CHFR: variants seen among roughly 807,000 people sequenced by gnomAD.
CHFR encodes E3 ubiquitin-protein ligase CHFR.
In CHFR, 57 loss-of-function variants were observed where a neutral mutation model predicts 87.6. The ratio of observed to expected loss-of-function variants is 0.65; its 90% CI spans 0.53 to 0.81. CHFR has a LOEUF of 0.81. CHFR is among the 30% of genes least tolerant of loss of function. CHFR has a pLI of 0.00. For synonymous variants in CHFR, 381 were observed against 359.2 expected (o/e 1.06, Z -0.69); for missense variants, 797 against 865.8 (o/e 0.92, Z 1.00).
At chr12:132,849,380 G>A (rs977812658) in intron 12 of CHFR, 1 of 150,508 alleles carries the variant, frequency 6.6e-6, no homozygotes, top group East Asian at 2.0e-4. Context: ...GACCCGTATC[G>A]TTTCTTAAAC....
At chr12:132,851,775 C>T in intron 11 of CHFR, 38 bp from the exon 12 acceptor site, 1 of 1,587,108 alleles carries the variant, frequency 6.3e-7, no homozygotes, top group South Asian at 1.1e-5. Flanking sequence ...CACGTGGGAC[C>T]CAGGGCAGAA....
chr12:132,872,211 G>A lies in CHFR; in HGVS notation c.343+74C>T, dbSNP rs538059968. 6 of 885,424 alleles carry A rather than the reference G, an allele frequency of 6.8e-6. No individual in the cohort carries two copies. In the Admixed American group the frequency reaches 7.2e-5, roughly 11 times the overall value. The allele number at this position is 885,424 out of a possible 1,614,324, so 54.8% of individuals were successfully genotyped here. A position where few individuals can be genotyped will look rare whatever the true frequency, so the allele number is the denominator to read the frequency against. On this transcript the variant is annotated intron_variant, in intron 4 of 17. Coordinates refer to ENST00000450056, the MANE Select transcript of CHFR (RefSeq NM_001161346.2). ...TTCCTATGGGAAGGGATGTAGCCAG[G>A]AGGAACGTTCAGAGAGCGCCCTCAC...
chr12:132,856,735 G>T, intron 9 of CHFR, 105 bp from the exon 10 acceptor site: 2 of 1,316,350 alleles, frequency 1.5e-6, no homozygotes, highest in Non-Finnish European at 2.2e-6. Context: ...GGAAGGAGGG[G>T]TCTGGGCGGA....
rs745763828 is a variant in CHFR at position 132,861,470 on chromosome 12, C to T, written c.748G>A (p.Gly250Arg). ...ACACACACAACCAGACACTAACCTC[C>T]TCTCATTTTCTTCTTCACGGGCTCC... ...DLEPVKKKMR[G>R]DGDLDLNGQL... The change falls in exon 7 of 18, where the codon GGA (glycine) becomes AGA (arginine). Residue 250 changes from glycine (G) to arginine (R), a missense_variant. Around this residue, in one of 2 missense-constraint regions of CHFR, gnomAD observed 597 missense variants for 601.2 expected, o/e 0.99. Coordinates refer to ENST00000450056, the MANE Select transcript of CHFR (RefSeq NM_001161346.2). 1 of 1,613,998 alleles carries T rather than the reference C, an allele frequency of 6.2e-7. No homozygotes were observed. Among genetic ancestry groups the T allele is most frequent in the Admixed American group, 1.7e-5 (1 of 60,004 alleles).
In CHFR at chr12:132,839,801, C is replaced by G. The variant is rs1937327190; in HGVS notation, c.*1753G>C. 1 of 170,484 alleles carries G rather than the reference C, an allele frequency of 5.9e-6. No homozygotes were observed. Among genetic ancestry groups the G allele is most frequent in the African/African-American group, 2.5e-5 (1 of 39,368 alleles). 10.6% of individuals were successfully genotyped at this position (170,484 alleles called of 1,614,324 possible). ...CTTCTCGGCCTCACCCCTGCACTAA[C>G]TAGGGACCTCCCCTCTCAGCCTCGC... On this transcript the variant is annotated 3_prime_UTR_variant, in exon 18 of 18. Transcript: ENST00000450056.
chr12:132,880,088 A>C (rs1426599839), intron 2 of CHFR, among the ~76,000 whole-genome samples: 1 of 152,210 alleles, frequency 6.6e-6, no homozygotes, highest in Non-Finnish European at 1.5e-5. Flanking sequence ...CACAGAAAAA[A>C]CGTGTAGAAA....
intron 15 of CHFR, among the ~76,000 whole-genome samples, chr12:132,846,430 T>A (rs1950827900): frequency 6.6e-6 from 1 of 151,856 alleles, no homozygotes; most frequent in African/African-American, 2.4e-5. Context: ...GCCCGGCTAA[T>A]TTTTTGTATT....
chr12:132,846,099 C>T (rs994228951), intron 15 of CHFR, among the ~76,000 whole-genome samples: 6 of 152,046 alleles, frequency 3.9e-5, no homozygotes, highest in African/African-American at 9.7e-5. Context: ...TTCATTTCTA[C>T]GTTTGTCCCT....
intron 2 of CHFR, among the ~76,000 whole-genome samples, chr12:132,881,584 C>T (rs928186691): frequency 6.6e-6 from 1 of 151,900 alleles, no homozygotes; most frequent in Non-Finnish European, 1.5e-5. Flanking sequence ...ATACTGACCA[C>T]GGGCCGGGCA....
Position 132,851,709 on chromosome 12 carries a change from T to C in CHFR, c.1401A>G (p.Gln467=). 1 of 1,613,416 alleles carries C rather than the reference T, an allele frequency of 6.2e-7. No homozygotes were observed. Among genetic ancestry groups the C allele is most frequent in the African/African-American group, 1.3e-5 (1 of 75,032 alleles). Reference sequence around the variant, plus strand: ...AGCAGGTGCACAGGGCGTGGCTTCCTTGCAGAGGGCACACGTAATCCTGGA... The same window carrying C: ...AGCAGGTGCACAGGGCGTGGCTTCCCTGCAGAGGGCACACGTAATCCTGGA... ...TAVQDYVCPL[Q]GSHALCTCCF... is the part of the protein sequence containing the mutation. The change falls in exon 12 of 18, where the codon CAA becomes CAG. Residue 467 remains glutamine, a synonymous_variant. Coordinates refer to ENST00000450056, the MANE Select transcript of CHFR (RefSeq NM_001161346.2).
At chr12:132,848,546 A>C (rs1200910289) in intron 13 of CHFR, 95 bp downstream of exon 13, 1 of 934,400 alleles carries the variant, frequency 1.1e-6, no homozygotes, top group Non-Finnish European at 1.7e-6. Flanking sequence ...ATCCCTATAA[A>C]CATCAGGCTA....
At chr12:132,856,710 C>T (rs777842243) in intron 9 of CHFR, 80 bp from the exon 10 acceptor site, 36 of 1,477,242 alleles carry the variant, frequency 2.4e-5, no homozygotes, top group Non-Finnish European at 3.1e-5. Flanking sequence ...TGGGAGCTCG[C>T]GTGCGCAGTG....
At chr12:132,862,520 C>T (rs1428067151) in intron 6 of CHFR, 2 of 402,006 alleles carry the variant, frequency 5.0e-6, no homozygotes, top group Non-Finnish European at 9.8e-6. Context: ...GAGTGGATCA[C>T]TTGAGCCCGG....
intron 16 of CHFR, 122 bp downstream of exon 16, chr12:132,843,905 C>T (rs1447353789): frequency 1.5e-5 from 9 of 591,632 alleles, no homozygotes; most frequent in African/African-American, 1.1e-4. Flanking sequence ...GCCGAGATTG[C>T]ACCACTGCAC....
intron 14 of CHFR, 130 bp downstream of exon 14, chr12:132,847,955 T>C (rs1950862484): frequency 5.9e-6 from 9 of 1,522,426 alleles, no homozygotes; most frequent in Non-Finnish European, 7.9e-6. Context: ...TGAGGAAACA[T>C]GGCTCCCGGC....
rs770961851 is a variant in CHFR, at chr12:132,841,545, T to A, written c.*9A>T. Reference sequence around the variant, plus strand: ...CCAGTGCTGAAAGCTGCTCAGGGCCTCTGGATGCTTAGTTTTTGAACCTTG... The same window carrying A: ...CCAGTGCTGAAAGCTGCTCAGGGCCACTGGATGCTTAGTTTTTGAACCTTG... On this transcript the variant is annotated 3_prime_UTR_variant, in exon 18 of 18. Coordinates refer to ENST00000450056, the MANE Select transcript of CHFR (RefSeq NM_001161346.2). The A allele has an allele frequency of 6.2e-7, 1 of 1,612,434 alleles. No homozygotes were observed. The highest frequency in any genetic ancestry group is 1.1e-5 in the South Asian group (1 of 91,050).
At chr12:132,851,789 C>G (rs1333609270) in intron 11 of CHFR, 52 bp from the exon 12 acceptor site, 9 of 1,575,756 alleles carry the variant, frequency 5.7e-6, no homozygotes, top group Non-Finnish European at 7.8e-6. Context: ...GGCAGAAAGA[C>G]AGCAGGTTAG....
chr12:132,835,196 G>A lies in CHFR; in HGVS notation c.*6358C>T, dbSNP rs1048081360. ...ATACGGGTATCTGTGGTGGCGGGAC[G>A]GGGACATGGCTCAGCCCACCACGGA... On this transcript the variant is annotated 3_prime_UTR_variant, in exon 18 of 18. Transcript: ENST00000450056. 1.3e-5 allele frequency: 2 copies of A among 152,170 alleles called. No homozygotes were observed. The highest frequency in any genetic ancestry group is 2.4e-5 in the African/African-American group (1 of 41,436). The allele number at this position is 152,170 out of a possible 1,614,324, so 9.4% of individuals were successfully genotyped here. A position where few individuals can be genotyped will look rare whatever the true frequency, so the allele number is the denominator to read the frequency against.
intron 6 of CHFR, 52 bp downstream of exon 6, chr12:132,869,567 G>A (rs1391118213): frequency 6.6e-7 from 1 of 1,507,666 alleles, no homozygotes; most frequent in Non-Finnish European, 9.0e-7. Context: ...GTAAAGAGTA[G>A]TGAACAAAAA....
Sources: gnomAD v4.1 joint callset for allele counts (sites outside exome capture counted in the v4.1 genomes callset) on GRCh38, gnomAD v4.1.1 for gene constraint, gnomAD v4.1.1 regional missense constraint, MANE v1.5 for transcripts, NCBI Gene and HGNC (gene_info 2026-07-23, HGNC 2026-07-21) for gene names.